ARHGAP10: variants seen among roughly 807,000 people sequenced by gnomAD.
ARHGAP10 encodes the protein Rho GTPase activating protein 10.
Under a neutral mutation model 108.6 loss-of-function variants are expected in ARHGAP10, and 87 were observed. The ratio of observed to expected loss-of-function variants is 0.80; its 90% confidence interval spans 0.67 to 0.96. The LOEUF (loss-of-function observed/expected upper bound fraction) is 0.96. Ranked by LOEUF, ARHGAP10 falls within the 40% of genes least tolerant of loss-of-function variation. ARHGAP10 has a pLI of 0.00. For missense variants in ARHGAP10, 939 were observed against 954.5 expected, an observed-to-expected ratio of 0.98 and a Z score of 0.21; for synonymous variants, 347 against 341.1, an observed-to-expected ratio of 1.02 and a Z score of -0.19.
chr4:147,975,470 C>G (rs1387361078), intron 18 of ARHGAP10, among the ~76,000 whole-genome samples: 1 of 152,154 alleles, frequency 6.6e-6, no homozygotes, highest in Non-Finnish European at 1.5e-5. Context: ...TTTGAAGGAA[C>G]AGAGATTTCA....
At chr4:147,878,988 T>C (rs1215651121) in intron 8 of ARHGAP10, among the ~76,000 whole-genome samples, 1 of 152,096 alleles carries the variant, frequency 6.6e-6, no homozygotes, top group African/African-American at 2.4e-5. Flanking sequence ...GCCAGGATGG[T>C]CTCGATTTCC....
intron 22 of ARHGAP10, 73 bp from the exon 23 acceptor site, chr4:148,071,920 G>A: frequency 7.4e-7 from 1 of 1,342,644 alleles, no homozygotes; most frequent in Non-Finnish European, 1.1e-6. Context: ...CCCTGCTTGA[G>A]CTTTTAAGTG....
At chr4:147,836,886 T>C (rs1023121300) in intron 3 of ARHGAP10, among the ~76,000 whole-genome samples, 2 of 152,164 alleles carry the variant, frequency 1.3e-5, no homozygotes, top group African/African-American at 2.4e-5. Flanking sequence ...TTCCTGGCTT[T>C]ATAGTTGAGA....
chr4:147,827,969 C>T (rs1261953407), intron 3 of ARHGAP10, among the ~76,000 whole-genome samples: 1 of 152,068 alleles, frequency 6.6e-6, no homozygotes, highest in Admixed American at 6.5e-5. Context: ...CCACGCCCAG[C>T]TCATTTTTGT....
intron 1 of ARHGAP10, among the ~76,000 whole-genome samples, chr4:147,771,743 C>G (rs939275113): frequency 6.6e-6 from 1 of 152,016 alleles, no homozygotes; most frequent in Admixed American, 6.6e-5. Context: ...ATGTAGGTGC[C>G]CCTTTTCATA....
At chr4:147,962,655 G>C (rs899060077) in intron 16 of ARHGAP10, among the ~76,000 whole-genome samples, 1 of 151,984 alleles carries the variant, frequency 6.6e-6, no homozygotes, top group Non-Finnish European at 1.5e-5. Context: ...CCTCTTTGTA[G>C]TTCTACCACC....
chr4:148,003,101 T>A lies in ARHGAP10; in HGVS notation c.1717-20162T>A, dbSNP rs191035453. On this transcript the variant is annotated intron_variant, in intron 18 of 22. Coordinates refer to ENST00000336498, the MANE Select transcript of ARHGAP10 (RefSeq NM_024605.4). Reference sequence around the variant, plus strand: ...ACTGCGTTAAATGTGTCCCAGAGATTCTGGTATGCTGTGTCGTTGTTCTCA... The same window carrying A: ...ACTGCGTTAAATGTGTCCCAGAGATACTGGTATGCTGTGTCGTTGTTCTCA... 1.0e-3 allele frequency among the ~76,000 whole-genome samples: 159 copies of A among 152,360 alleles called. 2 individuals are homozygous for A. Among genetic ancestry groups the A allele is most frequent in the African/African-American group, 3.7e-3 (152 of 41,590 alleles).
chr4:147,939,072 TTA>T (rs1738066540), intron 13 of ARHGAP10, among the ~76,000 whole-genome samples: 2 of 152,246 alleles, frequency 1.3e-5, no homozygotes, highest in Non-Finnish European at 2.9e-5. Flanking sequence ...GGAGATTTTC[TTA>T]CCCTTAATGC....
chr4:147,766,659 C>A (rs535597763), intron 1 of ARHGAP10, among the ~76,000 whole-genome samples: 1 of 139,690 alleles, frequency 7.2e-6, no homozygotes, highest in Non-Finnish European at 1.6e-5. Flanking sequence ...CCCACACACA[C>A]CCACACACAC....
In ARHGAP10 at chr4:148,030,645, C is replaced by T. The variant is rs530818872; in HGVS notation, c.1867+7232C>T. Among the ~76,000 whole-genome samples, 50 of 152,286 alleles carry T rather than the reference C, an allele frequency of 3.3e-4. No individual in the cohort carries two copies. In the South Asian group the frequency reaches 0.01, roughly 32 times the overall value. On this transcript the variant is annotated intron_variant, in intron 19 of 22. Coordinates refer to ENST00000336498, the MANE Select transcript of ARHGAP10 (RefSeq NM_024605.4). ...CCTGTGGCCAGTTCATTTTTACTTA[C>T]TGAATTCTTACCAGCTGTTGAGGAA...
rs147640829 is a variant in ARHGAP10, at chr4:147,913,105, T to G, written c.1194T>G (p.Ile398Met). Residue 398 changes from isoleucine (I) to methionine (M), a missense_variant, in exon 13 of 23, where the codon ATT becomes ATG. Ile to Met is a conservative substitution (Grantham distance 10). Transcript: ENST00000336498. ...NAQLDKMGFT[I>M]IRKCISAVET... The stretch of plus-strand genomic sequence containing the variant: ...AGTTGGATAAGATGGGGTTCACAAT[T>G]ATCAGAAAATGCATCAGTGCCGTTG... The G allele has an allele frequency of 1.9e-6, 3 of 1,613,960 alleles. No homozygotes were observed. In the African/African-American group the frequency reaches 4.0e-5, roughly 22 times the overall value.
At chr4:147,773,621 A>T (rs72953501) in intron 1 of ARHGAP10, among the ~76,000 whole-genome samples, 1 of 152,202 alleles carries the variant, frequency 6.6e-6, no homozygotes, top group South Asian at 2.1e-4. Flanking sequence ...CCATGATGTC[A>T]TAAGGATTTA....
chr4:147,764,619 C>T (rs7675072), intron 1 of ARHGAP10, among the ~76,000 whole-genome samples: 128,564 of 152,130 alleles, frequency 0.85, 57,518 homozygotes, highest in East Asian at 0.98. Context: ...CTGCAACCTC[C>T]GCCTCTTGGG....
At chr4:147,896,328 T>A (rs1265306972) in intron 10 of ARHGAP10, among the ~76,000 whole-genome samples, 1 of 152,192 alleles carries the variant, frequency 6.6e-6, no homozygotes, top group Non-Finnish European at 1.5e-5. Context: ...CATCTTTGCC[T>A]AGAGTTTTCT....
At chr4:147,873,654 CT>C (rs1198980173) in intron 7 of ARHGAP10, among the ~76,000 whole-genome samples, 1 of 125,170 alleles carries the variant, frequency 8.0e-6, no homozygotes, top group East Asian at 2.4e-4. Context: ...AATGAGACCC[CT>C]GTCTCTACAA....
intron 8 of ARHGAP10, among the ~76,000 whole-genome samples, chr4:147,877,819 C>CGTTTTTTTTTTTTTTTTTT (rs1735135571): frequency 7.6e-6 from 1 of 131,500 alleles, no homozygotes; most frequent in African/African-American, 3.1e-5. Context: ...ATTCTTCATA[C>CGTTTTTTTTTTTTTTTTTT]TTTTTTTTTT....
rs980403930 is a variant in ARHGAP10 at position 147,850,505 on chromosome 4, C to G, written c.384+3283C>G. On this transcript the variant is annotated intron_variant, in intron 4 of 22. Coordinates refer to ENST00000336498, the MANE Select transcript of ARHGAP10 (RefSeq NM_024605.4). ...AACCCAGCGGGAGGAACAGACAACT[C>G]TCTATGCGCCACCTTTAAGAGCTGT... Among the ~76,000 whole-genome samples, 21 of 152,144 alleles carry G rather than the reference C, an allele frequency of 1.4e-4. 1 individual carries two copies. The highest frequency in any genetic ancestry group is 2.6e-4 in the Non-Finnish European group (18 of 68,028).
chr4:147,801,194 A>C (rs529007734), intron 1 of ARHGAP10, among the ~76,000 whole-genome samples: 2 of 152,238 alleles, frequency 1.3e-5, no homozygotes, highest in East Asian at 3.9e-4. Context: ...AGTAAAACAT[A>C]TCTCTCAGGG....
intron 16 of ARHGAP10, among the ~76,000 whole-genome samples, chr4:147,956,671 A>G (rs1222364977): frequency 6.6e-6 from 1 of 152,118 alleles, no homozygotes; most frequent in East Asian, 1.9e-4. Context: ...GAAAAAGCAG[A>G]AGAGTGCCAA....
Sources: gnomAD v4.1 joint callset for allele counts (sites outside exome capture counted in the v4.1 genomes callset) on GRCh38, gnomAD v4.1.1 for gene constraint, MANE v1.5 for transcripts, NCBI Gene and HGNC (gene_info 2026-07-23, HGNC 2026-07-21) for gene names.